The following ABCA12 variants were observed in gnomAD, a reference collection of about 807,000 sequenced individuals.
The protein encoded by ABCA12 is glucosylceramide transporter ABCA12.
ABCA12 carries 156 observed loss-of-function variants against 293.5 expected under a neutral mutation model. The observed-to-expected ratio is 0.53, with a 90% confidence interval of 0.47 to 0.61. The LOEUF is 0.61. ABCA12 is among the 20% of genes least tolerant of loss of function. The pLI, the probability that ABCA12 is intolerant of heterozygous loss-of-function variation, is 0.00. For synonymous variants in ABCA12, 1,063 were observed against 1,108.0 expected, an observed-to-expected ratio of 0.96 and a Z score of 0.81; for missense variants, 2,797 against 3,090.2, an observed-to-expected ratio of 0.91 and a Z score of 2.25.
In ABCA12 at chr2:214,974,771, C is replaced by T. The variant is rs763081078; in HGVS notation, c.5468+7G>A. 1.2e-5 allele frequency: 19 copies of T among 1,613,788 alleles called. No individual in the cohort carries two copies. The highest frequency in any genetic ancestry group is 1.5e-5 in the Non-Finnish European group (18 of 1,179,776). The stretch of plus-strand genomic sequence containing the variant: ...AAACAAAAAATAGAAGAGCAAGAAC[C>T]ACTTACAGATCACTGGTGTTCAGAC... On this transcript the variant is annotated splice_region_variant and intron_variant, in intron 35 of 52. Transcript: ENST00000272895.
intron 39 of ABCA12, among the ~76,000 whole-genome samples, chr2:214,965,599 A>C (rs530827045): frequency 6.6e-6 from 1 of 152,212 alleles, no homozygotes; most frequent in Non-Finnish European, 1.5e-5. Flanking sequence ...TAAAAAGAAG[A>C]CATACATGCA....
chr2:215,125,111 G>A (rs1248072792), intron 1 of ABCA12, among the ~76,000 whole-genome samples: 1 of 141,644 alleles, frequency 7.1e-6, no homozygotes, highest in Non-Finnish European at 1.5e-5. Flanking sequence ...TCAGTTGGCT[G>A]TAAGTATTTG....
At position 214,976,023 on chromosome 2, in the gene ABCA12, T is replaced by G. The variant is rs749849028; in HGVS notation, c.5143A>C (p.Arg1715=). 2.1e-4 allele frequency: 334 copies of G among 1,613,926 alleles called. No individual in the cohort carries two copies. Among genetic ancestry groups the G allele is most frequent in the Non-Finnish European group, 2.7e-4 (318 of 1,179,980 alleles). ...CCAAAGCCATCCAGCCTCTCTCCTC[T>G]TGTCAGGATTTTGTCTGATTAAGAA... ...FTDRDDKILT[R]GERLDGFGLL... The change falls in exon 34 of 53, where the codon AGA becomes CGA. Residue 1715 remains arginine, a synonymous_variant. Coordinates refer to ENST00000272895, the MANE Select transcript of ABCA12 (RefSeq NM_173076.3).
chr2:215,011,351 T>C, intron 17 of ABCA12, 88 bp downstream of exon 17: 2 of 999,054 alleles, frequency 2.0e-6, no homozygotes, highest in Non-Finnish European at 3.1e-6. Flanking sequence ...AATTAATACT[T>C]CATTTATCAT....
At chr2:215,058,437 A>G (rs1235710845) in intron 3 of ABCA12, among the ~76,000 whole-genome samples, 1 of 152,048 alleles carries the variant, frequency 6.6e-6, no homozygotes, top group Non-Finnish European at 1.5e-5. Context: ...CCCATGACCA[A>G]ACCAAATCAG....
intron 45 of ABCA12, among the ~76,000 whole-genome samples, chr2:214,949,373 T>TACACAC (rs1243088387): frequency 0.02 from 2,907 of 145,502 alleles, 101 homozygotes; most frequent in African/African-American, 0.076. Context: ...TATATATATA[T>TACACAC]ATATACACAC....
intron 8 of ABCA12, among the ~76,000 whole-genome samples, chr2:215,032,908 AT>A (rs1469595965): frequency 6.6e-6 from 1 of 152,258 alleles, no homozygotes; most frequent in African/African-American, 2.4e-5. Context: ...GCACAAAACT[AT>A]GCAATCACCC....
rs748438607 is a variant in ABCA12 at position 215,054,678 on chromosome 2, AG to A, written c.318-15del. On this transcript the variant is annotated splice_polypyrimidine_tract_variant and intron_variant, in intron 3 of 52. Coordinates refer to ENST00000272895, the MANE Select transcript of ABCA12 (RefSeq NM_173076.3). ...CTCAGAATCTCACTAGAGAAGAAAA[AG>A]CAAGAACTCTGTAACTTCTCCCACA... 3 of 1,593,986 alleles carry A rather than the reference AG, an allele frequency of 1.9e-6. No individual in the cohort carries two copies. Among genetic ancestry groups the A allele is most frequent in the Non-Finnish European group, 2.6e-6 (3 of 1,162,344 alleles).
At chr2:215,043,657 G>A (rs75660449) in intron 7 of ABCA12, among the ~76,000 whole-genome samples, 1 of 151,826 alleles carries the variant, frequency 6.6e-6, no homozygotes. Context: ...CCTATATTAG[G>A]TGTACAATTA....
chr2:214,984,094 C>CTTTTTTTT lies in ABCA12; in HGVS notation c.4164-237_4164-230dup, dbSNP rs397987755. 1.5e-3 allele frequency among the ~76,000 whole-genome samples: 138 copies of CTTTTTTTT among 92,942 alleles called. 6 individuals carry two copies. Among genetic ancestry groups the CTTTTTTTT allele is most frequent in the East Asian group, 1.9e-3 (5 of 2,664 alleles). The allele number at this position is 92,942 out of a possible 152,430, so 61.0% of individuals were successfully genotyped here. A position where few individuals can be genotyped will look rare whatever the true frequency, so the allele number is the denominator to read the frequency against. The stretch of plus-strand genomic sequence containing the variant: ...ATGATGATGACAAAAACGATCAGGC[C>CTTTTTTTT]TTTTTTTTTTTTTTTTTTTTGAGAC... On this transcript the variant is annotated intron_variant, in intron 28 of 52. Transcript: ENST00000272895.
At position 215,134,612 on chromosome 2, in the gene ABCA12, T is replaced by TAG. The variant is rs1456694716; in HGVS notation, c.69+3527_69+3528insCT. Among the ~76,000 whole-genome samples, 14 of 91,640 alleles carry TAG rather than the reference T, an allele frequency of 1.5e-4. 1 individual carries two copies. Among genetic ancestry groups the TAG allele is most frequent in the Middle Eastern group, 5.9e-3 (1 of 170 alleles). 60.1% of individuals were successfully genotyped at this position (91,640 alleles called of 152,430 possible). A position where few individuals can be genotyped will look rare whatever the true frequency, so the allele number is the denominator to read the frequency against. On this transcript the variant is annotated intron_variant, in intron 1 of 52. Transcript: ENST00000272895. ...CTCTCTCTCTCTCTATATATATATA[T>TAG]ATATAGAGAGAGAGAGAGAGAGAGA...
At chr2:215,134,247 T>A (rs1182078245) in intron 1 of ABCA12, among the ~76,000 whole-genome samples, 2 of 149,540 alleles carry the variant, frequency 1.3e-5, no homozygotes, top group East Asian at 1.9e-4. Flanking sequence ...TATATGTGTA[T>A]ATATGTATAT....
chr2:215,031,168 C>T (rs1016289466), intron 9 of ABCA12, among the ~76,000 whole-genome samples: 2 of 152,132 alleles, frequency 1.3e-5, no homozygotes, highest in East Asian at 3.9e-4. Flanking sequence ...TGCCTATTCC[C>T]GGGACTTTAT....
chr2:214,986,542 A>G lies in ABCA12; in HGVS notation c.4163T>C (p.Ile1388Thr). 5 of 1,613,958 alleles carry G rather than the reference A, an allele frequency of 3.1e-6. No individual in the cohort carries two copies. Among genetic ancestry groups the G allele is most frequent in the Non-Finnish European group, 3.4e-6 (4 of 1,179,872 alleles). ...GPNGAGKTTT[I>T]SMLTGLFGAS... ...AATAAATGTCAAAAAGTTAACATAC[A>G]TGGTAGTAGTTTTCCCAGCTCCATT... is the stretch of plus-strand genomic sequence containing the variant. Residue 1388 changes from isoleucine to threonine, a missense_variant and splice_region_variant, in exon 28 of 53, where the codon ATT becomes ACT. Ile to Thr is a moderately conservative substitution (Grantham distance 89). Coordinates refer to ENST00000272895, the MANE Select transcript of ABCA12 (RefSeq NM_173076.3).
Position 215,071,130 on chromosome 2 carries a change from A to C in ABCA12, c.164-6911T>G, listed in dbSNP as rs1229217641. 2.6e-5 allele frequency among the ~76,000 whole-genome samples: 4 copies of C among 151,658 alleles called. No individual in the cohort carries two copies. In the East Asian group the frequency reaches 7.8e-4, roughly 29 times the overall value. On this transcript the variant is annotated intron_variant, in intron 2 of 52. Transcript: ENST00000272895. ...GAGAATCGCTTGAGCTCAGGAGTTC[A>C]AGGCTGCAGTGAGCCATGATCATGC...
chr2:214,943,114 G>A (rs1459549174), intron 49 of ABCA12, 97 bp from the exon 50 acceptor site: 5 of 900,642 alleles, frequency 5.6e-6, no homozygotes, highest in Non-Finnish European at 9.0e-6. Flanking sequence ...ATGGCACTTG[G>A]AAATACTATT....
At chr2:215,104,420 G>A (rs562063104) in intron 2 of ABCA12, among the ~76,000 whole-genome samples, 5 of 152,314 alleles carry the variant, frequency 3.3e-5, no homozygotes, top group African/African-American at 1.2e-4. Flanking sequence ...TGAGAGTCAG[G>A]CCAGGAGCTG....
rs772811907 is a variant in ABCA12, at chr2:214,987,789, T to C, written c.3834A>G (p.Thr1278=). Residue 1278 remains threonine, a synonymous_variant, in exon 27 of 53, where the codon ACA becomes ACG. Transcript: ENST00000272895. ...AWYVRNVFPG[T]YGMAAPWYFP... ...AATACCAGGGAGCTGCCATACCGTATGTCCCTGGAATAAAAATATATCAGG... is the reference window on the plus strand; with the variant it reads ...AATACCAGGGAGCTGCCATACCGTACGTCCCTGGAATAAAAATATATCAGG... 2.5e-6 allele frequency: 4 copies of C among 1,613,478 alleles called. No homozygotes were observed. In the African/African-American group the frequency reaches 5.3e-5, roughly 22 times the overall value.
intron 23 of ABCA12, among the ~76,000 whole-genome samples, chr2:214,993,068 C>T (rs780246535): frequency 5.9e-5 from 9 of 152,192 alleles, no homozygotes; most frequent in Admixed American, 5.9e-4. Flanking sequence ...GGTAACATCA[C>T]ATTTCGATAA....
Sources: allele counts gnomAD v4.1 joint callset (sites outside exome capture counted in the v4.1 genomes callset), GRCh38; gene constraint gnomAD v4.1.1; transcripts MANE v1.5; gene names NCBI Gene and HGNC (gene_info 2026-07-23, HGNC 2026-07-21).